The following GRAMD1B variants were observed in gnomAD, a reference collection of about 807,000 sequenced individuals.
GRAMD1B encodes the protein GRAM domain containing 1B.
In GRAMD1B, 37 loss-of-function variants were observed where a neutral mutation model predicts 99.7. That is an observed-to-expected ratio of 0.37 (90% CI 0.29 to 0.49). The LOEUF (loss-of-function observed/expected upper bound fraction) is 0.49. Ranked by LOEUF, GRAMD1B falls within the 20% of genes least tolerant of loss-of-function variation. The pLI is 0.98. For synonymous variants in GRAMD1B, 427 were observed against 387.6 expected (o/e 1.10, Z -1.19); for missense variants, 888 against 1,009.2 (o/e 0.88, Z 1.63).
intron 3 of GRAMD1B, chr11:123,578,580 G>A (rs1341716257): frequency 9.1e-6 from 6 of 657,642 alleles, no homozygotes; most frequent in East Asian, 2.8e-5. Context: ...ACTGTCCCCC[G>A]GCAGGCTGGC....
At chr11:123,370,160 C>G (rs1201203242) in intron 1 of GRAMD1B, among the ~76,000 whole-genome samples, 1 of 151,378 alleles carries the variant, frequency 6.6e-6, no homozygotes, top group Non-Finnish European at 1.5e-5. Flanking sequence ...ACTAAAAGTT[C>G]AAAAATTAGC....
At chr11:123,475,115 G>A (rs1037603965) in intron 1 of GRAMD1B, among the ~76,000 whole-genome samples, 54 of 152,196 alleles carry the variant, frequency 3.5e-4, no homozygotes, top group African/African-American at 8.2e-4. Flanking sequence ...GCAGAAGGAC[G>A]GCTTCCTGGT....
intron 1 of GRAMD1B, among the ~76,000 whole-genome samples, chr11:123,417,700 G>C (rs985577420): frequency 4.6e-5 from 7 of 152,168 alleles, no homozygotes; most frequent in African/African-American, 1.7e-4. Flanking sequence ...ACTTTGGGAG[G>C]CCAAGAGGGG....
intron 2 of GRAMD1B, among the ~76,000 whole-genome samples, chr11:123,511,098 T>C (rs1940963529): frequency 6.6e-6 from 1 of 152,162 alleles, no homozygotes; most frequent in South Asian, 2.1e-4. Context: ...TCTGTCTTCT[T>C]CCTCTGCTTC....
intron 19 of GRAMD1B, among the ~76,000 whole-genome samples, chr11:123,620,773 A>T (rs1400463501): frequency 6.6e-6 from 1 of 152,248 alleles, no homozygotes; most frequent in East Asian, 1.9e-4. Flanking sequence ...GCTGAACTAG[A>T]GCTAGAAGTT....
At chr11:123,592,561 C>T (rs999027898) in intron 4 of GRAMD1B, among the ~76,000 whole-genome samples, 25 of 152,150 alleles carry the variant, frequency 1.6e-4, no homozygotes, top group African/African-American at 5.8e-4. Context: ...AACTCACTGG[C>T]GATCAGGTGG....
intron 2 of GRAMD1B, among the ~76,000 whole-genome samples, chr11:123,528,421 T>C (rs1943017624): frequency 6.6e-6 from 1 of 152,230 alleles, no homozygotes; most frequent in Non-Finnish European, 1.5e-5. Context: ...ATAAGAACAA[T>C]GGTGACTAAC....
intron 2 of GRAMD1B, among the ~76,000 whole-genome samples, chr11:123,547,985 C>T (rs1945182679): frequency 6.6e-6 from 1 of 152,036 alleles, no homozygotes; most frequent in Non-Finnish European, 1.5e-5. Flanking sequence ...GGGTCAGGGG[C>T]TTATTCTGCA....
intron 1 of GRAMD1B, among the ~76,000 whole-genome samples, chr11:123,471,030 G>A (rs1030199187): frequency 3.3e-5 from 5 of 152,122 alleles, no homozygotes; most frequent in Admixed American, 1.3e-4. Context: ...CGCATGTGAC[G>A]AGTGACCACA....
intron 1 of GRAMD1B, among the ~76,000 whole-genome samples, chr11:123,359,138 G>A (rs924566872): frequency 6.6e-6 from 1 of 152,092 alleles, no homozygotes; most frequent in Admixed American, 6.5e-5. Flanking sequence ...AACAGGTAGA[G>A]AGGACAGGGT....
intron 2 of GRAMD1B, among the ~76,000 whole-genome samples, chr11:123,497,151 T>C (rs933220615): frequency 1.3e-5 from 2 of 152,220 alleles, no homozygotes; most frequent in Admixed American, 6.5e-5. Flanking sequence ...CCAAATAATG[T>C]TGTGGTTCTT....
intron 14 of GRAMD1B, among the ~76,000 whole-genome samples, chr11:123,612,149 T>C (rs1190509245): frequency 6.6e-6 from 1 of 151,908 alleles, no homozygotes; most frequent in African/African-American, 2.4e-5. Flanking sequence ...TGCAGTGGTG[T>C]GATCATGGCT....
intron 2 of GRAMD1B, among the ~76,000 whole-genome samples, chr11:123,573,219 G>A (rs1325510419): frequency 6.6e-6 from 1 of 152,220 alleles, no homozygotes; most frequent in Non-Finnish European, 1.5e-5. Flanking sequence ...TGGAAATGTA[G>A]CCAGTGTTGG....
intron 1 of GRAMD1B, among the ~76,000 whole-genome samples, chr11:123,416,162 A>G (rs926921643): frequency 8.5e-5 from 13 of 152,200 alleles, no homozygotes; most frequent in Admixed American, 8.5e-4. Flanking sequence ...GGGCATTTCC[A>G]AGGCATTAGT....
chr11:123,452,910 T>C (rs909302160), intron 1 of GRAMD1B, among the ~76,000 whole-genome samples: 1 of 152,140 alleles, frequency 6.6e-6, no homozygotes, highest in African/African-American at 2.4e-5. Flanking sequence ...GGTAGGGAAG[T>C]GAAAGTTCGG....
In GRAMD1B at chr11:123,577,430, C is replaced by T; in HGVS notation, c.516C>T (p.Arg172=). The T allele has an allele frequency of 1.2e-6, 2 of 1,601,662 alleles. No homozygotes were observed. The highest frequency in any genetic ancestry group is 1.7e-6 in the Non-Finnish European group (2 of 1,174,534). ...ACSPILRKRS[R]SPTPQNQDGD... ...CGCCCATCCTCCGGAAGCGGTCTCG[C>T]TCGCCAACCCCGCAGAACCAGGACG... The change falls in exon 3 of 20, where the codon CGC becomes CGT. Residue 172 remains arginine (R), a synonymous_variant. Transcript: ENST00000635736.
chr11:123,470,279 A>G (rs1950945870), intron 1 of GRAMD1B, among the ~76,000 whole-genome samples: 1 of 152,206 alleles, frequency 6.6e-6, no homozygotes, highest in South Asian at 2.1e-4. Context: ...ACAAAACCAT[A>G]CAAAAGCTAA....
In GRAMD1B at chr11:123,627,436, C is replaced by T. The variant is rs1955560472; in HGVS notation, c.*4841C>T. On this transcript the variant is annotated 3_prime_UTR_variant, in exon 20 of 20. Coordinates refer to ENST00000635736, the MANE Select transcript of GRAMD1B (RefSeq NM_001387025.1). ...CCATGGTGCTTTTTCCCCAACTCAACCTAGACTCCAAGGTGGGGAGGGATG... is the reference window on the plus strand; with the variant it reads ...CCATGGTGCTTTTTCCCCAACTCAATCTAGACTCCAAGGTGGGGAGGGATG... 1 of 152,432 alleles carries T rather than the reference C, an allele frequency of 6.6e-6. No individual in the cohort carries two copies. The highest frequency in any genetic ancestry group is 1.5e-5 in the Non-Finnish European group (1 of 68,192). 9.4% of individuals were successfully genotyped at this position (152,432 alleles called of 1,614,324 possible).
intron 2 of GRAMD1B, among the ~76,000 whole-genome samples, chr11:123,550,422 C>T (rs1213854214): frequency 1.3e-5 from 2 of 152,206 alleles, no homozygotes; most frequent in South Asian, 2.1e-4. Flanking sequence ...CTGACACATA[C>T]TCTCTCATGC....
Sources: gnomAD v4.1 joint callset for allele counts (sites outside exome capture counted in the v4.1 genomes callset) on GRCh38, gnomAD v4.1.1 for gene constraint, MANE v1.5 for transcripts, NCBI Gene and HGNC (gene_info 2026-07-23, HGNC 2026-07-21) for gene names.